Variants in LRBA observed in about 807,000 individuals in gnomAD.
LRBA encodes lipopolysaccharide-responsive and beige-like anchor protein.
In LRBA, 176 loss-of-function variants were observed where a neutral mutation model predicts 330.0. The ratio of observed to expected loss-of-function variants is 0.53; its 90% CI spans 0.47 to 0.60. The LOEUF (loss-of-function observed/expected upper bound fraction) is 0.60. LRBA is among the 20% of genes least tolerant of loss of function. LRBA has a pLI of 0.00. For missense variants in LRBA, 3,259 were observed against 3,444.8 expected (o/e 0.95, Z 1.35); for synonymous variants, 1,230 against 1,193.0 (o/e 1.03, Z -0.64).
At chr4:150,496,602 G>C (rs1467222269) in intron 40 of LRBA, among the ~76,000 whole-genome samples, 1 of 151,864 alleles carries the variant, frequency 6.6e-6, no homozygotes, top group African/African-American at 2.4e-5. Flanking sequence ...ACTTACATGA[G>C]AGCCTGCACA....
At chr4:150,882,634 C>A (rs1436290566) in intron 17 of LRBA, among the ~76,000 whole-genome samples, 2 of 152,038 alleles carry the variant, frequency 1.3e-5, no homozygotes, top group Admixed American at 6.6e-5. Flanking sequence ...ATGGTATGTA[C>A]AGTATATTTT....
At position 150,489,079 on chromosome 4, in the gene LRBA, A is replaced by C. The variant is rs535422446; in HGVS notation, c.6449-1245T>G. ...TAAGAATATATAATATATTATATAT[A>C]ATATTATATAAGAATATACAATATA... On this transcript the variant is annotated intron_variant, in intron 41 of 56. Transcript: ENST00000651943. 5.3e-3 allele frequency among the ~76,000 whole-genome samples: 434 copies of C among 81,426 alleles called. 2 individuals are homozygous for C. The highest frequency in any genetic ancestry group is 0.012 in the African/African-American group (271 of 21,734). The allele number at this position is 81,426 out of a possible 152,430, so 53.4% of individuals were successfully genotyped here.
At chr4:150,683,831 C>T in intron 36 of LRBA, 114 bp from the exon 37 acceptor site, 2 of 689,568 alleles carry the variant, frequency 2.9e-6, no homozygotes, top group Non-Finnish European at 2.4e-6. Context: ...TCTACTTTTA[C>T]ATTCCTCATT....
At chr4:150,339,689 T>C (rs1735236961) in intron 48 of LRBA, among the ~76,000 whole-genome samples, 1 of 152,150 alleles carries the variant, frequency 6.6e-6, no homozygotes, top group African/African-American at 2.4e-5. Flanking sequence ...CATAACATTG[T>C]CTATTATTCA....
chr4:150,604,341 T>C (rs892686435), intron 37 of LRBA, among the ~76,000 whole-genome samples: 3 of 151,776 alleles, frequency 2.0e-5, no homozygotes, highest in Admixed American at 6.6e-5. Context: ...AAGTTGGAGG[T>C]TGCTGTGAGC....
At chr4:150,457,954 C>A (rs1581376492) in intron 44 of LRBA, among the ~76,000 whole-genome samples, 1 of 152,088 alleles carries the variant, frequency 6.6e-6, no homozygotes. Context: ...AGAAGGATTA[C>A]TGACTGGCAG....
intron 46 of LRBA, among the ~76,000 whole-genome samples, chr4:150,423,838 C>T (rs766602054): frequency 2.6e-5 from 4 of 152,106 alleles, no homozygotes; most frequent in Admixed American, 6.5e-5. Flanking sequence ...AAATGAGTCC[C>T]CCCCACCGCC....
chr4:150,587,976 C>A, intron 40 of LRBA, 72 bp downstream of exon 40: 1 of 1,467,864 alleles, frequency 6.8e-7, no homozygotes, highest in Non-Finnish European at 9.1e-7. Context: ...GTCAGATTTA[C>A]CAATCCCAAT....
chr4:150,621,314 T>A (rs4568218), intron 37 of LRBA, among the ~76,000 whole-genome samples: 133,184 of 152,150 alleles, frequency 0.88, 59,208 homozygotes, highest in Non-Finnish European at 0.95. Flanking sequence ...GTTGTATTTT[T>A]AAAAACTGTG....
intron 36 of LRBA, among the ~76,000 whole-genome samples, chr4:150,718,584 A>C (rs1728541445): frequency 6.6e-6 from 1 of 152,162 alleles, no homozygotes; most frequent in South Asian, 2.1e-4. Context: ...ATAAGAAAAA[A>C]TATACGTTTG....
chr4:150,444,273 C>G (rs1469231935), intron 44 of LRBA, among the ~76,000 whole-genome samples: 1 of 151,810 alleles, frequency 6.6e-6, no homozygotes, highest in African/African-American at 2.4e-5. Flanking sequence ...CAAATGAGAG[C>G]CCTTAATTTT....
At chr4:150,622,898 C>T (rs1286716061) in intron 37 of LRBA, among the ~76,000 whole-genome samples, 1 of 152,010 alleles carries the variant, frequency 6.6e-6, no homozygotes, top group Admixed American at 6.5e-5. Flanking sequence ...GGGGTTTCAC[C>T]GTGTTAGCCA....
At chr4:150,945,806 T>G (rs1334511357) in intron 2 of LRBA, among the ~76,000 whole-genome samples, 2 of 141,772 alleles carry the variant, frequency 1.4e-5, no homozygotes, top group South Asian at 4.4e-4. Context: ...GGCATATTTC[T>G]TTTTTTTTTT....
chr4:150,504,239 G>C (rs1165420333), intron 40 of LRBA, among the ~76,000 whole-genome samples: 1 of 152,086 alleles, frequency 6.6e-6, no homozygotes, highest in Non-Finnish European at 1.5e-5. Flanking sequence ...GAAATACAGA[G>C]AACGCCACAA....
chr4:150,318,927 T>C (rs144695053), intron 50 of LRBA, among the ~76,000 whole-genome samples: 28 of 152,202 alleles, frequency 1.8e-4, no homozygotes, highest in African/African-American at 6.0e-4. Context: ...GCATCCTAAG[T>C]GGTACTCCAG....
chr4:150,560,889 G>C (rs1357897160), intron 40 of LRBA, among the ~76,000 whole-genome samples: 1 of 152,198 alleles, frequency 6.6e-6, no homozygotes, highest in African/African-American at 2.4e-5. Context: ...GGCAGGCTGA[G>C]GCAGGAGAAT....
chr4:150,681,521 G>A (rs1472794105), intron 37 of LRBA, among the ~76,000 whole-genome samples: 1 of 152,146 alleles, frequency 6.6e-6, no homozygotes, highest in Non-Finnish European at 1.5e-5. Context: ...AGTAACAGTT[G>A]AATATGATAC....
chr4:150,564,513 C>A (rs1461276265), intron 40 of LRBA, among the ~76,000 whole-genome samples: 2 of 152,110 alleles, frequency 1.3e-5, no homozygotes, highest in African/African-American at 4.8e-5. Context: ...AAAGCAATGA[C>A]AACAAAGCCA....
Position 150,639,747 on chromosome 4 carries a change from A to G in LRBA, c.5922-40616T>C, listed in dbSNP as rs1450064175. Among the ~76,000 whole-genome samples, 9 of 2,154 alleles carry G rather than the reference A, an allele frequency of 4.2e-3. 1 individual carries two copies. Among genetic ancestry groups the G allele is most frequent in the African/African-American group, 9.4e-3 (9 of 962 alleles). 1.4% of individuals were successfully genotyped at this position (2,154 alleles called of 152,430 possible). On this transcript the variant is annotated intron_variant, in intron 37 of 56. Transcript: ENST00000651943. ...GAGCCTATGCCCCAAATATATATAT[A>G]TATATATATATATATATATATATAT...
Sources: gnomAD v4.1 joint callset for allele counts (sites outside exome capture counted in the v4.1 genomes callset) on GRCh38, gnomAD v4.1.1 for gene constraint, MANE v1.5 for transcripts, NCBI Gene and HGNC (gene_info 2026-07-23, HGNC 2026-07-21) for gene names.